Variants in YY1 observed in about 807,000 individuals in gnomAD.
YY1 encodes YY1 transcription factor, also known as transcriptional repressor protein YY1.
A neutral mutation model predicts 35.6 loss-of-function variants in YY1; 2 were observed. The ratio of observed to expected loss-of-function variants is 0.06; its 90% CI spans 0.02 to 0.18. The LOEUF (loss-of-function observed/expected upper bound fraction) is 0.18, where lower values mean the gene tolerates loss of function less well. Among genes scored for constraint, YY1 ranks in the 10% least tolerant of loss-of-function variants. The pLI is 1.00. For synonymous variants in YY1, 268 were observed against 238.9 expected (o/e 1.12, Z -1.12); for missense variants, 322 against 573.4 (o/e 0.56, Z 4.48).
chr14:100,271,249 A>T (rs994800416), intron 2 of YY1, among the ~76,000 whole-genome samples: 2 of 152,196 alleles, frequency 1.3e-5, no homozygotes, highest in African/African-American at 4.8e-5. Flanking sequence ...TCTGCCTCAA[A>T]AAATAAATAA....
intron 1 of YY1, among the ~76,000 whole-genome samples, chr14:100,259,375 C>T (rs949170071): frequency 3.9e-5 from 6 of 152,144 alleles, no homozygotes; most frequent in African/African-American, 1.4e-4. Flanking sequence ...AAACGATTAG[C>T]TGGGCATGGT....
At chr14:100,270,821 G>A (rs548017996) in intron 2 of YY1, among the ~76,000 whole-genome samples, 2 of 152,042 alleles carry the variant, frequency 1.3e-5, no homozygotes, top group Non-Finnish European at 2.9e-5. Flanking sequence ...TGGATTGCTT[G>A]AGCTCAGGAG....
At chr14:100,240,663 C>G (rs940722264) in intron 1 of YY1, among the ~76,000 whole-genome samples, 1 of 152,246 alleles carries the variant, frequency 6.6e-6, no homozygotes, top group African/African-American at 2.4e-5. Context: ...CGTGTGCGGG[C>G]TCCGAGCGTC....
In YY1 at chr14:100,280,401, ATGT is replaced by A. The variant is rs760430899; in HGVS notation, c.*2806_*2808del. ...AGAGGATAAGTTTACACTTAACAAG[ATGT>A]TGTTTTCTATTTTTGAATTTCTTAT... is the stretch of plus-strand genomic sequence containing the variant. On this transcript the variant is annotated 3_prime_UTR_variant, in exon 5 of 5. Coordinates refer to ENST00000262238, the MANE Select transcript of YY1 (RefSeq NM_003403.5). 4.6e-5 allele frequency: 7 copies of A among 152,146 alleles called. No individual in the cohort carries two copies. Among genetic ancestry groups the A allele is most frequent in the Non-Finnish European group, 7.4e-5 (5 of 68,024 alleles). 9.4% of individuals were successfully genotyped at this position (152,146 alleles called of 1,614,324 possible).
chr14:100,262,558 T>C, intron 2 of YY1, 92 bp downstream of exon 2: 1 of 1,338,914 alleles, frequency 7.5e-7, no homozygotes, highest in Non-Finnish European at 1.1e-6. Context: ...AAATGGTGGT[T>C]TGTATTCTTT....
intron 1 of YY1, among the ~76,000 whole-genome samples, chr14:100,248,458 C>T (rs1268652452): frequency 1.3e-5 from 2 of 152,018 alleles, no homozygotes; most frequent in East Asian, 1.9e-4. Flanking sequence ...TCCATTTTAA[C>T]ATGACCTGGC....
At chr14:100,248,569 C>G (rs1475864837) in intron 1 of YY1, among the ~76,000 whole-genome samples, 3 of 151,666 alleles carry the variant, frequency 2.0e-5, no homozygotes, top group Non-Finnish European at 4.4e-5. Flanking sequence ...CAGGTGTGAT[C>G]ATTGTGCGCT....
At chr14:100,249,718 T>G (rs1280585746) in intron 1 of YY1, among the ~76,000 whole-genome samples, 1 of 151,612 alleles carries the variant, frequency 6.6e-6, no homozygotes, top group East Asian at 1.9e-4. Context: ...GAGTCAATTC[T>G]CAATTCAAAT....
intron 2 of YY1, among the ~76,000 whole-genome samples, chr14:100,274,058 GC>G (rs1566781562): frequency 6.6e-6 from 1 of 152,146 alleles, no homozygotes; most frequent in Non-Finnish European, 1.5e-5. Flanking sequence ...GGCCCTAGGA[GC>G]TCTCTCCCCA....
intron 2 of YY1, among the ~76,000 whole-genome samples, chr14:100,271,202 G>A (rs769129391): frequency 2.0e-5 from 3 of 151,936 alleles, no homozygotes; most frequent in African/African-American, 4.8e-5. Flanking sequence ...AGCTGAGATT[G>A]CGCCACTGCA....
chr14:100,273,055 T>A (rs1015694080), intron 2 of YY1, among the ~76,000 whole-genome samples: 1 of 150,716 alleles, frequency 6.6e-6, no homozygotes, highest in Non-Finnish European at 1.5e-5. Flanking sequence ...TCCGCCTCTC[T>A]GGCTGAAGCA....
rs1891316265 is a variant in YY1 at position 100,276,269 on chromosome 14, T to C, written c.904-221T>C. ...TTAAAGACATCTCTAAGCCTCAGTT[T>C]CCTCATCTGTAAAACTAGGGTTTGC... On this transcript the variant is annotated intron_variant, in intron 3 of 4. Transcript: ENST00000262238. The surrounding 1 kb of genome is among the most constrained non-coding windows in gnomAD (Gnocchi z 4.1). 1.0e-5 allele frequency: 6 copies of C among 594,182 alleles called. No individual in the cohort carries two copies. Among genetic ancestry groups the C allele is most frequent in the Admixed American group, 6.0e-5 (2 of 33,414 alleles). The allele number at this position is 594,182 out of a possible 1,614,324, so 36.8% of individuals were successfully genotyped here.
At chr14:100,271,357 G>C (rs1206522350) in intron 2 of YY1, among the ~76,000 whole-genome samples, 2 of 152,176 alleles carry the variant, frequency 1.3e-5, no homozygotes, top group African/African-American at 4.8e-5. Flanking sequence ...ACCTCAAGGT[G>C]GCGCAGTGGC....
chr14:100,244,246 A>T (rs1378354685), intron 1 of YY1, among the ~76,000 whole-genome samples: 1 of 151,508 alleles, frequency 6.6e-6, no homozygotes, highest in Non-Finnish European at 1.5e-5. Context: ...ATATCAGTAT[A>T]GGAATCTAAT....
At chr14:100,262,105 T>C (rs1891093224) in intron 1 of YY1, among the ~76,000 whole-genome samples, 199 bp from the exon 2 acceptor site, 1 of 151,298 alleles carries the variant, frequency 6.6e-6, no homozygotes, top group Non-Finnish European at 1.5e-5. Flanking sequence ...GCCGTGATTG[T>C]GATTGGGCCA....
At chr14:100,245,368 A>G (rs142800775) in intron 1 of YY1, among the ~76,000 whole-genome samples, 194 of 152,252 alleles carry the variant, frequency 1.3e-3, no homozygotes, top group African/African-American at 4.6e-3. Context: ...GCTGGCCTTG[A>G]ATTCCTGGGT....
In YY1 at chr14:100,239,240, C is replaced by T. The variant is rs1465024541; in HGVS notation, c.-5C>T. ...GCCGCGGCCGTGGCGGCGGAGCCCT[C>T]AGCCATGGCCTCGGGCGACACCCTC... On this transcript the variant is annotated 5_prime_UTR_variant, in exon 1 of 5. Transcript: ENST00000262238. The T allele has an allele frequency of 1.6e-5, 24 of 1,535,942 alleles. No homozygotes were observed. The highest frequency in any genetic ancestry group is 3.6e-5 in the South Asian group (3 of 83,194).
In YY1 at chr14:100,276,863, T is replaced by C. The variant is rs1891327129; in HGVS notation, c.1062+215T>C. 2 of 618,936 alleles carry C rather than the reference T, an allele frequency of 3.2e-6. No individual in the cohort carries two copies. The highest frequency in any genetic ancestry group is 5.8e-5 in the East Asian group (2 of 34,656). The allele number at this position is 618,936 out of a possible 1,614,324, so 38.3% of individuals were successfully genotyped here. On this transcript the variant is annotated intron_variant, in intron 4 of 4. Coordinates refer to ENST00000262238, the MANE Select transcript of YY1 (RefSeq NM_003403.5). The surrounding 1 kb of genome is among the most constrained non-coding windows in gnomAD (Gnocchi z 4.1). The stretch of plus-strand genomic sequence containing the variant: ...ACTCTGTGGTACTGGGTACGCAATG[T>C]ATTGGTGTTGATGGAGTACACTTTA...
chr14:100,246,764 C>G (rs1393570221), intron 1 of YY1, among the ~76,000 whole-genome samples: 1 of 152,176 alleles, frequency 6.6e-6, no homozygotes, highest in African/African-American at 2.4e-5. Flanking sequence ...TTCACACCCT[C>G]CCTCCCCAGT....
Sources: allele counts gnomAD v4.1 joint callset (sites outside exome capture counted in the v4.1 genomes callset), GRCh38; gene constraint gnomAD v4.1.1; non-coding constraint Gnocchi (gnomAD v3.1); transcripts MANE v1.5; gene names NCBI Gene and HGNC (gene_info 2026-07-23, HGNC 2026-07-21).